Variants in DENND1A observed in about 807,000 individuals in gnomAD.
DENND1A encodes the protein DENN domain containing 1A.
Under a neutral mutation model 113.7 loss-of-function variants are expected in DENND1A, and 51 were observed. The observed-to-expected ratio is 0.45, with a 90% CI of 0.36 to 0.57. DENND1A has a LOEUF of 0.57. Among genes scored for constraint, DENND1A ranks in the 20% least tolerant of loss-of-function variants. DENND1A has a pLI of 0.00. For synonymous variants in DENND1A, 565 were observed against 570.8 expected, an observed-to-expected ratio of 0.99 and a Z score of 0.14; for missense variants, 1,258 against 1,395.9, an observed-to-expected ratio of 0.90 and a Z score of 1.57.
At chr9:123,402,626 G>A (rs377462290) in intron 21 of DENND1A, 2 of 534,634 alleles carry the variant, frequency 3.7e-6, no homozygotes, top group Non-Finnish European at 7.7e-6. Context: ...ATCACAGGAA[G>A]TCAGCGTGTA....
chr9:123,547,650 A>C (rs1157419569), intron 13 of DENND1A, among the ~76,000 whole-genome samples: 1 of 152,216 alleles, frequency 6.6e-6, no homozygotes, highest in Non-Finnish European at 1.5e-5. Flanking sequence ...ATAAATAAAT[A>C]AATATTAAAG....
chr9:123,741,049 T>C (rs1182596735), intron 5 of DENND1A, among the ~76,000 whole-genome samples: 1 of 152,154 alleles, frequency 6.6e-6, no homozygotes, highest in African/African-American at 2.4e-5. Context: ...TCTCAAGGGT[T>C]CTCTCAATGG....
intron 21 of DENND1A, chr9:123,401,682 A>ACCAC (rs2043475321): frequency 8.6e-6 from 13 of 1,505,088 alleles, no homozygotes; most frequent in Admixed American, 2.2e-5. Context: ...CAACCAACCA[A>ACCAC]CAAAACTAAA....
intron 9 of DENND1A, among the ~76,000 whole-genome samples, chr9:123,646,455 T>C (rs2062335148): frequency 6.6e-6 from 1 of 152,134 alleles, no homozygotes; most frequent in African/African-American, 2.4e-5. Context: ...GTTGGCATGC[T>C]CATAAGAATG....
intron 11 of DENND1A, among the ~76,000 whole-genome samples, chr9:123,598,450 A>G (rs1326502288): frequency 6.9e-6 from 1 of 145,740 alleles, no homozygotes; most frequent in African/African-American, 2.6e-5. Context: ...ACTCAATCAC[A>G]AATCTCAAAA....
rs116177280 is a variant in DENND1A at position 123,558,900 on chromosome 9, G to A, written c.868-1205C>T. ...GAGGACTATGTTAGGTGTTGAGAAT[G>A]CAAGGGATACAATGAAACCACACGT... On this transcript the variant is annotated intron_variant, in intron 12 of 23. Coordinates refer to ENST00000394215, the MANE Select transcript of DENND1A (RefSeq NM_001352964.2). 9.5e-3 allele frequency among the ~76,000 whole-genome samples: 1,444 copies of A among 152,308 alleles called. 27 individuals carry two copies. The highest frequency in any genetic ancestry group is 0.033 in the African/African-American group (1,356 of 41,552).
At chr9:123,693,128 G>A (rs530561181) in intron 5 of DENND1A, among the ~76,000 whole-genome samples, 27 of 151,938 alleles carry the variant, frequency 1.8e-4, no homozygotes, top group African/African-American at 6.3e-4. Flanking sequence ...ATGAATTTTG[G>A]CAACTGGATA....
At chr9:123,447,751 C>T (rs565652406) in intron 18 of DENND1A, among the ~76,000 whole-genome samples, 31 of 149,470 alleles carry the variant, frequency 2.1e-4, no homozygotes, top group African/African-American at 7.2e-4. Flanking sequence ...GAGGTACATT[C>T]GTTGCCAGAT....
intron 6 of DENND1A, among the ~76,000 whole-genome samples, chr9:123,673,068 C>T (rs563484527): frequency 1.3e-5 from 2 of 152,166 alleles, no homozygotes; most frequent in Non-Finnish European, 2.9e-5. Context: ...ATGAGACCAC[C>T]CATTTTGTAG....
intron 8 of DENND1A, among the ~76,000 whole-genome samples, chr9:123,664,499 T>C (rs2063400781): frequency 6.6e-6 from 1 of 152,108 alleles, no homozygotes; most frequent in South Asian, 2.1e-4. Context: ...TGGTTATTTA[T>C]TACTATTCTT....
At chr9:123,913,503 A>C (rs775608112) in intron 1 of DENND1A, among the ~76,000 whole-genome samples, 1 of 152,206 alleles carries the variant, frequency 6.6e-6, no homozygotes, top group Non-Finnish European at 1.5e-5. Flanking sequence ...GTATAATTTC[A>C]AGTGTGGAAA....
intron 5 of DENND1A, among the ~76,000 whole-genome samples, chr9:123,676,994 G>A (rs1357529179): frequency 1.3e-5 from 2 of 152,226 alleles, no homozygotes; most frequent in African/African-American, 4.8e-5. Flanking sequence ...AGGATTAAAT[G>A]TCCATTATAA....
chr9:123,531,549 C>G (rs1034140824), intron 13 of DENND1A, among the ~76,000 whole-genome samples: 1 of 132,572 alleles, frequency 7.5e-6, no homozygotes, highest in Non-Finnish European at 1.6e-5. Flanking sequence ...TCCCCCCTCT[C>G]TCTCTACACA....
chr9:123,860,099 T>C (rs951682167), intron 2 of DENND1A, among the ~76,000 whole-genome samples: 3 of 152,222 alleles, frequency 2.0e-5, no homozygotes, highest in Admixed American at 6.5e-5. Context: ...GGTGCACGCC[T>C]GAGCTAAGTG....
chr9:123,668,823 G>A (rs7039099), intron 7 of DENND1A, among the ~76,000 whole-genome samples: 35,663 of 152,158 alleles, frequency 0.23, 4,658 homozygotes, highest in Admixed American at 0.28. Context: ...GTGGGAACTA[G>A]TGATTAATTC....
intron 10 of DENND1A, among the ~76,000 whole-genome samples, chr9:123,617,424 T>C (rs899552478): frequency 6.6e-6 from 1 of 152,154 alleles, no homozygotes; most frequent in Non-Finnish European, 1.5e-5. Context: ...GATCAGTGAC[T>C]GGGAAAGGGA....
intron 4 of DENND1A, among the ~76,000 whole-genome samples, chr9:123,766,258 T>A (rs951680270): frequency 6.6e-6 from 1 of 152,216 alleles, no homozygotes; most frequent in Non-Finnish European, 1.5e-5. Context: ...AAGTTTTCTC[T>A]GACCATTTTG....
At chr9:123,640,966 G>A (rs1454125587) in intron 9 of DENND1A, among the ~76,000 whole-genome samples, 2 of 152,222 alleles carry the variant, frequency 1.3e-5, no homozygotes, top group East Asian at 3.8e-4. Context: ...CCTCCAGCAG[G>A]GCTGTCTGAC....
intron 2 of DENND1A, among the ~76,000 whole-genome samples, chr9:123,799,087 T>C (rs551682171): frequency 6.6e-5 from 10 of 152,308 alleles, no homozygotes; most frequent in African/African-American, 1.9e-4. Flanking sequence ...ATTACAAATA[T>C]GACATCACTC....
Sources: gnomAD v4.1 joint callset for allele counts (sites outside exome capture counted in the v4.1 genomes callset) on GRCh38, gnomAD v4.1.1 for gene constraint, MANE v1.5 for transcripts, NCBI Gene and HGNC (gene_info 2026-07-23, HGNC 2026-07-21) for gene names.